PRDM5: variants seen among roughly 807,000 people sequenced by gnomAD.
PRDM5 encodes PR/SET domain 5.
A neutral mutation model predicts 81.2 loss-of-function variants in PRDM5; 56 were observed. That is an observed-to-expected ratio of 0.69 (90% CI 0.56 to 0.86). The LOEUF (loss-of-function observed/expected upper bound fraction) is 0.86, where lower values mean the gene tolerates loss of function less well. PRDM5 is among the 40% of genes least tolerant of loss of function. PRDM5 has a pLI of 0.00. For missense variants in PRDM5, 697 were observed against 770.1 expected, an observed-to-expected ratio of 0.91 and a Z score of 1.12; for synonymous variants, 267 against 256.4, an observed-to-expected ratio of 1.04 and a Z score of -0.39.
intron 10 of PRDM5, among the ~76,000 whole-genome samples, chr4:120,796,974 A>G (rs919029092): frequency 1.3e-5 from 2 of 152,212 alleles, no homozygotes; most frequent in Admixed American, 6.5e-5. Context: ...ATGTTTTTAC[A>G]TGCATTTCTA....
At chr4:120,687,171 C>T (rs971143968), downstream of PRDM5, among the ~76,000 whole-genome samples, 11 of 152,052 alleles carry the variant, frequency 7.2e-5, no homozygotes, top group Admixed American at 2.0e-4. Flanking sequence ...TTCATCTTAA[C>T]AATTTTTAAG....
intron 14 of PRDM5, among the ~76,000 whole-genome samples, chr4:120,723,800 G>T (rs1269366445): frequency 6.6e-6 from 1 of 152,006 alleles, no homozygotes. Context: ...AATTGTCAGA[G>T]TTGGGAGAGC....
intron 3 of PRDM5, among the ~76,000 whole-genome samples, chr4:120,831,434 A>G (rs1756701213): frequency 1.3e-5 from 2 of 152,056 alleles, no homozygotes; most frequent in African/African-American, 2.4e-5. Context: ...TCATTCCTAC[A>G]CCTGTTTAAA....
At chr4:120,728,487 T>C (rs1739775034) in intron 14 of PRDM5, among the ~76,000 whole-genome samples, 1 of 152,124 alleles carries the variant, frequency 6.6e-6, no homozygotes, top group African/African-American at 2.4e-5. Flanking sequence ...TCCAGACAAT[T>C]ATTATTTCAG....
intron 6 of PRDM5, 88 bp from the exon 7 acceptor site, chr4:120,816,662 G>T: frequency 6.3e-7 from 1 of 1,583,040 alleles, no homozygotes; most frequent in Non-Finnish European, 8.7e-7. Context: ...TGTAATACAT[G>T]CTCCCTAGTA....
chr4:120,819,118 C>T (rs1416983595), intron 4 of PRDM5, among the ~76,000 whole-genome samples: 1 of 152,132 alleles, frequency 6.6e-6, no homozygotes, highest in East Asian at 1.9e-4. Flanking sequence ...AAATAAAAAA[C>T]ACCAATAATC....
chr4:120,861,874 A>G (rs1760642154), intron 2 of PRDM5, among the ~76,000 whole-genome samples: 1 of 152,212 alleles, frequency 6.6e-6, no homozygotes, highest in South Asian at 2.1e-4. Context: ...TTATAGAAAC[A>G]CTAAATAACA....
At chr4:120,873,975 GAC>G (rs1762103910) in intron 2 of PRDM5, among the ~76,000 whole-genome samples, 1 of 151,794 alleles carries the variant, frequency 6.6e-6, no homozygotes, top group South Asian at 2.1e-4. Flanking sequence ...TTATTTAATT[GAC>G]ACATAATAAT....
intron 8 of PRDM5, among the ~76,000 whole-genome samples, chr4:120,804,575 CT>C (rs1279932368): frequency 6.6e-6 from 1 of 152,180 alleles, no homozygotes; most frequent in East Asian, 1.9e-4. Context: ...TACATGGAAA[CT>C]GAACAACCTG....
intron 15 of PRDM5, among the ~76,000 whole-genome samples, chr4:120,700,699 T>G (rs911307141): frequency 6.6e-6 from 1 of 152,086 alleles, no homozygotes; most frequent in African/African-American, 2.4e-5. Flanking sequence ...CAAGAGACAT[T>G]CACAGACACT....
chr4:120,821,802 G>A (rs1051513440), intron 3 of PRDM5, among the ~76,000 whole-genome samples: 5 of 151,146 alleles, frequency 3.3e-5, no homozygotes, highest in South Asian at 2.1e-4. Context: ...AAATAAGTTC[G>A]TCCCCTGAAA....
intron 8 of PRDM5, among the ~76,000 whole-genome samples, chr4:120,809,440 ATATT>A (rs993925768): frequency 7.2e-5 from 11 of 152,212 alleles, no homozygotes; most frequent in Non-Finnish European, 1.0e-4. Context: ...TAAAAAGATC[ATATT>A]TAAAGTGAAA....
At chr4:120,761,487 A>G (rs1473314917) in intron 13 of PRDM5, among the ~76,000 whole-genome samples, 1 of 152,224 alleles carries the variant, frequency 6.6e-6, no homozygotes, top group Non-Finnish European at 1.5e-5. Flanking sequence ...GATGGAATAT[A>G]ATTTTAATTA....
intron 2 of PRDM5, among the ~76,000 whole-genome samples, chr4:120,870,168 A>T (rs1382892576): frequency 6.6e-6 from 1 of 152,032 alleles, no homozygotes; most frequent in African/African-American, 2.4e-5. Context: ...AGAGGAGGAA[A>T]GTGGAGGCCT....
At chr4:120,900,818 T>C (rs1000749555) in intron 2 of PRDM5, among the ~76,000 whole-genome samples, 3 of 152,190 alleles carry the variant, frequency 2.0e-5, no homozygotes, top group African/African-American at 7.2e-5. Context: ...TGGGGGGTAT[T>C]TATTGCTTAA....
intron 2 of PRDM5, among the ~76,000 whole-genome samples, chr4:120,868,038 T>C (rs920159147): frequency 6.6e-6 from 1 of 152,178 alleles, no homozygotes; most frequent in African/African-American, 2.4e-5. Flanking sequence ...TGCATAATAT[T>C]TTACTTTCAT....
intron 14 of PRDM5, among the ~76,000 whole-genome samples, chr4:120,731,310 T>C (rs17347051): frequency 0.11 from 16,688 of 150,390 alleles, 1,220 homozygotes; most frequent in Non-Finnish European, 0.17. Context: ...CACCCGGCTA[T>C]GAGATGAGAT....
chr4:120,798,182 A>C, intron 10 of PRDM5, 85 bp downstream of exon 10: 1 of 1,053,856 alleles, frequency 9.5e-7, no homozygotes, highest in Non-Finnish European at 1.3e-6. Context: ...TAGGCCCCAG[A>C]TGTACAAAAG....
intron 15 of PRDM5, 31 bp from the exon 16 acceptor site, chr4:120,695,306 T>C (rs780680369): frequency 1.2e-6 from 2 of 1,611,496 alleles, no homozygotes; most frequent in African/African-American, 2.7e-5. Flanking sequence ...AACCATATTA[T>C]ACTGAAATAA....
Sources: allele counts gnomAD v4.1 joint callset (sites outside exome capture counted in the v4.1 genomes callset), GRCh38; gene constraint gnomAD v4.1.1; transcripts MANE v1.5; gene names NCBI Gene and HGNC (gene_info 2026-07-23, HGNC 2026-07-21).